The following GSDMD variants were observed in gnomAD, a reference collection of about 807,000 sequenced individuals.
GSDMD encodes gasdermin-D.
In GSDMD, 46 loss-of-function variants were observed where a neutral mutation model predicts 46.7. The observed-to-expected ratio is 0.99, with a 90% confidence interval of 0.78 to 1.26. The LOEUF is 1.26. Among genes scored for constraint, GSDMD ranks in the 50% most tolerant of loss-of-function variants. GSDMD has a pLI of 0.00. For synonymous variants in GSDMD, 307 were observed against 283.1 expected (o/e 1.08, Z -0.85); for missense variants, 649 against 638.8 (o/e 1.02, Z -0.17).
chr8:143,560,560 C>T (rs1241647158), intron 3 of GSDMD, 43 bp from the exon 4 acceptor site: 3 of 1,527,218 alleles, frequency 2.0e-6, no homozygotes, highest in South Asian at 2.5e-5. Context: ...AAGACGCCTT[C>T]AGGGGCTGCG....
Position 143,562,498 on chromosome 8 carries a change from A to T in GSDMD, c.1189A>T (p.Thr397Ser). The T allele has an allele frequency of 6.2e-7, 1 of 1,607,998 alleles. No homozygotes were observed. Among genetic ancestry groups the T allele is most frequent in the Non-Finnish European group, 8.5e-7 (1 of 1,179,564 alleles). The change falls in exon 10 of 11, where the codon ACC becomes TCC. Residue 397 changes from threonine (T) to serine (S), a missense_variant. Transcript: ENST00000262580. ...KLLAEALESQ[T>S]LLGPLELVGS... ...GCTGGCGGAGGCGCTGGAGTCGCAG[A>T]CCCTGTTGGGGCCGCTCGAGCTGGT...
At chr8:143,558,324 TG>T, upstream of GSDMD, 5 of 1,522,184 alleles carry the variant, frequency 3.3e-6, no homozygotes, top group Non-Finnish European at 4.4e-6. Flanking sequence ...GAGGGCGTCC[TG>T]GGCGGGCCCT....
intron 6 of GSDMD, 21 bp downstream of exon 6, chr8:143,561,444 G>C: frequency 1.9e-6 from 3 of 1,606,932 alleles, no homozygotes; most frequent in Non-Finnish European, 2.5e-6. Flanking sequence ...AGAGCCCCCA[G>C]CATGGGGTGT....
At chr8:143,560,818 C>G (rs552442578) in intron 4 of GSDMD, 47 bp downstream of exon 4, 51 of 1,466,586 alleles carry the variant, frequency 3.5e-5, no homozygotes, top group Non-Finnish European at 4.1e-5. Context: ...CGTGGGCATG[C>G]GGCGGCGGGT....
Position 143,562,436 on chromosome 8 carries a change from ACT to A in GSDMD, c.1139-6_1139-5del. 1 of 1,604,130 alleles carries A rather than the reference ACT, an allele frequency of 6.2e-7. No homozygotes were observed. The highest frequency in any genetic ancestry group is 8.5e-7 in the Non-Finnish European group (1 of 1,177,748). On this transcript the variant is annotated splice_polypyrimidine_tract_variant and intron_variant, in intron 9 of 10. Coordinates refer to ENST00000262580, the MANE Select transcript of GSDMD (RefSeq NM_024736.7). ...GCGTTCAGAAACCCCCTTTTACCTG[ACT>A]CTCTCCCAGTGCTGAGTGAAACGCA...
upstream of GSDMD, among the ~76,000 whole-genome samples, chr8:143,556,843 G>A (rs1823305893): frequency 6.6e-6 from 1 of 152,366 alleles, no homozygotes; most frequent in Non-Finnish European, 1.5e-5. Context: ...CTGCTTTAAT[G>A]AGACATAATT....
intron 6 of GSDMD, 64 bp from the exon 7 acceptor site, chr8:143,561,678 C>T (rs1823464652): frequency 7.4e-7 from 1 of 1,347,980 alleles, no homozygotes; most frequent in East Asian, 2.5e-5. Flanking sequence ...AGGCCTCAGC[C>T]CTCTCTGGCT....
At chr8:143,559,280 T>TGCCCCCCCCCCCCCCCCCCCCCCCAAAA in intron 1 of GSDMD, 52 bp from the exon 2 acceptor site, 1 of 579,430 alleles carries the variant, frequency 1.7e-6, no homozygotes, top group East Asian at 3.2e-5. Context: ...CTTCTCCCAC[T>TGCCCCCCCCCCCCCCCCCCCCCCCAAAA]CCCTCCCGCC....
In GSDMD at chr8:143,561,064, C is replaced by T. The variant is rs149126269; in HGVS notation, c.642C>T (p.Leu214=). Residue 214 remains leucine (L), a synonymous_variant, in exon 5 of 11, where the codon CTC becomes CTT. Coordinates refer to ENST00000262580, the MANE Select transcript of GSDMD (RefSeq NM_024736.7). ...KTVTIPSGST[L]AFRVAQLVID... ...TCACCATCCCCTCAGGCAGCACCCT[C>T]GCATTCCGGGTGGCCCAGCTGGTTA... 284 of 1,613,218 alleles carry T rather than the reference C, an allele frequency of 1.8e-4. No homozygotes were observed. In the African/African-American group the frequency reaches 2.5e-3, roughly 14 times the overall value.
rs375764221 is a variant in GSDMD, at chr8:143,559,355, G to C, written c.20G>C (p.Arg7Pro). The stretch of plus-strand genomic sequence containing the variant: ...AGGAGCATGGGGTCGGCCTTTGAGC[G>C]GGTAGTCCGGAGAGTGGTCCAGGAG... The part of the protein sequence containing the change: MGSAFE[R>P]VVRRVVQELD... The change falls in exon 2 of 11, where the codon CGG (arginine) becomes CCG (proline). Residue 7 changes from arginine to proline, a missense_variant. By Grantham distance (103) the Arg-to-Pro change is moderately radical. Transcript: ENST00000262580. The C allele has an allele frequency of 5.9e-5, 95 of 1,612,124 alleles. No individual in the cohort carries two copies. Among genetic ancestry groups the C allele is most frequent in the Non-Finnish European group, 8.0e-5 (94 of 1,179,784 alleles).
intron 5 of GSDMD, 58 bp downstream of exon 5, chr8:143,561,162 T>C (rs1823451298): frequency 1.3e-6 from 2 of 1,502,684 alleles, no homozygotes; most frequent in Non-Finnish European, 9.2e-7. Flanking sequence ...CAGGGAGGCC[T>C]GGGGAGAGCT....
At chr8:143,560,907 C>T (rs765050126) in intron 4 of GSDMD, 95 bp from the exon 5 acceptor site, 32 of 1,444,908 alleles carry the variant, frequency 2.2e-5, no homozygotes, top group Non-Finnish European at 3.0e-5. Flanking sequence ...GAGCCGAAGT[C>T]ACCTGGCGGC....
upstream of GSDMD, among the ~76,000 whole-genome samples, chr8:143,557,377 G>GCT (rs1563902759): frequency 2.2e-4 from 26 of 117,724 alleles, no homozygotes; most frequent in African/African-American, 4.0e-4. Flanking sequence ...CTGCCGCTAT[G>GCT]GCGAAGGATG....
chr8:143,558,477 C>A, intron 1 of GSDMD, 26 bp downstream of exon 1: 6 of 1,458,262 alleles, frequency 4.1e-6, no homozygotes, highest in Non-Finnish European at 5.4e-6. Context: ...CCCCCTCCCC[C>A]GGCCTGGCTG....
In GSDMD at chr8:143,559,553, G is replaced by A. The variant is rs1823399014; in HGVS notation, c.217+1G>A. ...CTGGAGCCGGATGCCGCGGAACCAG[G>A]TGCCTGATGTGGTGCTGAGGCAGAG... On this transcript the variant is annotated splice_donor_variant, in intron 2 of 10. Transcript: ENST00000262580. LOFTEE classifies it high-confidence loss of function. The A allele has an allele frequency of 6.2e-7, 1 of 1,611,552 alleles. No individual in the cohort carries two copies. Among genetic ancestry groups the A allele is most frequent in the African/African-American group, 1.3e-5 (1 of 75,062 alleles).
upstream of GSDMD, among the ~76,000 whole-genome samples, chr8:143,554,769 C>G (rs1033983406): frequency 1.4e-5 from 2 of 145,610 alleles, no homozygotes; most frequent in African/African-American, 5.1e-5. Context: ...CGCACAACAG[C>G]CACACAACAT....
chr8:143,557,825 G>A (rs1823344666), upstream of GSDMD: 1 of 339,030 alleles, frequency 2.9e-6, no homozygotes, highest in African/African-American at 2.2e-5. Context: ...TTTGCTTGAG[G>A]GCAATTTCTA....
Position 143,563,062 on chromosome 8 carries a change from A to G in GSDMD, c.*158A>G. 1 of 696,990 alleles carries G rather than the reference A, an allele frequency of 1.4e-6. No homozygotes were observed. Among genetic ancestry groups the G allele is most frequent in the Non-Finnish European group, 2.2e-6 (1 of 463,850 alleles). 43.2% of individuals were successfully genotyped at this position (696,990 alleles called of 1,614,324 possible). ...ACAATAAAGGTGGCATACGAAGGAA[A>G]GGCTGGTAGCAGAGTTTTTGAGGGG... On this transcript the variant is annotated 3_prime_UTR_variant, in exon 11 of 11. Transcript: ENST00000262580.
upstream of GSDMD, among the ~76,000 whole-genome samples, chr8:143,557,375 A>ACGACGGATGCTGCCGCTG (rs1823325007): frequency 1.4e-5 from 1 of 71,546 alleles, no homozygotes; most frequent in East Asian, 7.8e-4. Context: ...TGCTGCCGCT[A>ACGACGGATGCTGCCGCTG]TGGCGAAGGA....
Sources: allele counts gnomAD v4.1 joint callset (sites outside exome capture counted in the v4.1 genomes callset), GRCh38; gene constraint gnomAD v4.1.1; transcripts MANE v1.5; gene names NCBI Gene and HGNC (gene_info 2026-07-23, HGNC 2026-07-21).